Variants in ZBTB20 observed in about 807,000 individuals in gnomAD.
ZBTB20 encodes zinc finger and BTB domain-containing protein 20.
Under a neutral mutation model 56.9 loss-of-function variants are expected in ZBTB20, and 9 were observed. That is an observed-to-expected ratio of 0.16 (90% confidence interval 0.10 to 0.28). The LOEUF (loss-of-function observed/expected upper bound fraction) is 0.28, where lower values mean the gene tolerates loss of function less well. Among genes scored for constraint, ZBTB20 ranks in the 10% least tolerant of loss-of-function variants. The probability of loss-of-function intolerance (pLI) is 1.00; values close to 1 mark genes in which losing one functional copy is unlikely to be tolerated. For missense variants in ZBTB20, 655 were observed against 1,003.0 expected, an observed-to-expected ratio of 0.65 and a Z score of 4.69; for synonymous variants, 417 against 420.7, an observed-to-expected ratio of 0.99 and a Z score of 0.11.
intron 2 of ZBTB20, among the ~76,000 whole-genome samples, chr3:115,035,787 A>T (rs1392591711): frequency 6.6e-6 from 1 of 152,188 alleles, no homozygotes; most frequent in Non-Finnish European, 1.5e-5. Context: ...CACAACACCC[A>T]TATTCACAAT....
intron 7 of ZBTB20, among the ~76,000 whole-genome samples, chr3:114,488,667 T>C (rs571589779): frequency 6.6e-6 from 1 of 152,320 alleles, no homozygotes; most frequent in South Asian, 2.1e-4. Context: ...GAGGACAGTT[T>C]AGTAATGCAT....
chr3:114,546,488 G>A (rs1651098010), intron 6 of ZBTB20, among the ~76,000 whole-genome samples: 1 of 151,748 alleles, frequency 6.6e-6, no homozygotes, highest in Non-Finnish European at 1.5e-5. Flanking sequence ...GCATTCTGAA[G>A]GTTCTAGTCT....
At chr3:114,960,223 G>C (rs2077398126) in intron 3 of ZBTB20, among the ~76,000 whole-genome samples, 1 of 152,150 alleles carries the variant, frequency 6.6e-6, no homozygotes. Flanking sequence ...TAAATTTTGG[G>C]TAAACATGGA....
At chr3:114,812,188 G>C (rs1233697722) in intron 4 of ZBTB20, among the ~76,000 whole-genome samples, 1 of 152,186 alleles carries the variant, frequency 6.6e-6, no homozygotes, top group Admixed American at 6.5e-5. Context: ...GGCTCCGGCA[G>C]CCTGCTTTCA....
chr3:114,979,214 T>C (rs967889534), intron 2 of ZBTB20, among the ~76,000 whole-genome samples: 27 of 152,144 alleles, frequency 1.8e-4, no homozygotes, highest in African/African-American at 6.0e-4. Context: ...GTTACATTTA[T>C]ACTGTGAACA....
chr3:115,045,841 C>A (rs2081314612), intron 2 of ZBTB20, among the ~76,000 whole-genome samples: 1 of 152,080 alleles, frequency 6.6e-6, no homozygotes, highest in Non-Finnish European at 1.5e-5. Flanking sequence ...TTTTTCTCCT[C>A]ATATTTTAAG....
At chr3:114,847,565 G>A (rs139633748) in intron 4 of ZBTB20, among the ~76,000 whole-genome samples, 107 of 152,234 alleles carry the variant, frequency 7.0e-4, no homozygotes, top group African/African-American at 2.5e-3. Flanking sequence ...ATTATCAAGG[G>A]CCTTTTCGTG....
intron 7 of ZBTB20, among the ~76,000 whole-genome samples, chr3:114,453,922 C>A (rs763111427): frequency 4.7e-5 from 3 of 64,380 alleles, no homozygotes; most frequent in Non-Finnish European, 8.5e-5. Context: ...TAAGCTCACT[C>A]CCCCCCCCCC....
chr3:114,792,876 CTTTT>C (rs71146337), intron 5 of ZBTB20, among the ~76,000 whole-genome samples: 19 of 119,630 alleles, frequency 1.6e-4, no homozygotes, highest in Non-Finnish European at 2.5e-4. Flanking sequence ...TTTTCTTTTT[CTTTT>C]TTTTTTTTTT....
chr3:114,634,527 T>C (rs559221896), intron 6 of ZBTB20, among the ~76,000 whole-genome samples: 3 of 152,142 alleles, frequency 2.0e-5, no homozygotes, highest in Non-Finnish European at 2.9e-5. Context: ...GTCAGCAAGA[T>C]GGCAGAGTGG....
At chr3:114,842,920 T>A (rs2074447313) in intron 4 of ZBTB20, among the ~76,000 whole-genome samples, 1 of 152,180 alleles carries the variant, frequency 6.6e-6, no homozygotes, top group South Asian at 2.1e-4. Context: ...TGAATTGTAA[T>A]CCCAGGGACC....
chr3:115,016,292 T>C (rs2079954265), intron 2 of ZBTB20, among the ~76,000 whole-genome samples: 1 of 152,024 alleles, frequency 6.6e-6, no homozygotes, highest in African/African-American at 2.4e-5. Context: ...GATAGTTTCT[T>C]TTGCTGAGCA....
chr3:114,367,544 C>T (rs1051513911), intron 10 of ZBTB20, among the ~76,000 whole-genome samples: 1 of 152,172 alleles, frequency 6.6e-6, no homozygotes, highest in Non-Finnish European at 1.5e-5. Context: ...CAGGCGTGAG[C>T]CACCATGCCC....
chr3:114,353,442 G>T (rs2080889709), intron 10 of ZBTB20, among the ~76,000 whole-genome samples: 1 of 152,192 alleles, frequency 6.6e-6, no homozygotes, highest in Non-Finnish European at 1.5e-5. Flanking sequence ...AATACAATTT[G>T]CACTAATTTG....
intron 7 of ZBTB20, among the ~76,000 whole-genome samples, chr3:114,474,727 T>C (rs984815073): frequency 3.9e-5 from 6 of 152,180 alleles, no homozygotes; most frequent in African/African-American, 9.6e-5. Context: ...CATAGAGATG[T>C]GTTTGGTGTC....
intron 5 of ZBTB20, among the ~76,000 whole-genome samples, chr3:114,747,330 C>T (rs1034840307): frequency 6.6e-6 from 1 of 152,272 alleles, no homozygotes; most frequent in Non-Finnish European, 1.5e-5. Context: ...CTTTGAGAGG[C>T]TGAGGCAGGC....
At chr3:115,029,234 T>C (rs2080562479) in intron 2 of ZBTB20, among the ~76,000 whole-genome samples, 3 of 150,808 alleles carry the variant, frequency 2.0e-5, no homozygotes, top group Admixed American at 2.0e-4. Flanking sequence ...TTAAAAAATT[T>C]TGAATAAATT....
Position 114,332,556 on chromosome 3 carries a change from T to G in ZBTB20, c.*6449A>C, listed in dbSNP as rs1051726148. 6.6e-6 allele frequency: 1 copy of G among 152,220 alleles called. No individual in the cohort carries two copies. Among genetic ancestry groups the G allele is most frequent in the Admixed American group, 6.5e-5 (1 of 15,278 alleles). 9.4% of individuals were successfully genotyped at this position (152,220 alleles called of 1,614,324 possible). On this transcript the variant is annotated 3_prime_UTR_variant, in exon 12 of 12. Coordinates refer to ENST00000675478, the MANE Select transcript of ZBTB20 (RefSeq NM_001348800.3). ...GAGAGTACCCAGTTCTAGGAAAGTTTGGTGCCTCCTCAAGAAGTCACTATT... is the reference window on the plus strand; with the variant it reads ...GAGAGTACCCAGTTCTAGGAAAGTTGGGTGCCTCCTCAAGAAGTCACTATT...
At chr3:115,024,311 C>CA (rs1249914077) in intron 2 of ZBTB20, among the ~76,000 whole-genome samples, 27 of 151,046 alleles carry the variant, frequency 1.8e-4, no homozygotes, top group African/African-American at 5.8e-4. Flanking sequence ...CCTTCTTTGA[C>CA]ACGGAAGAGC....
Sources: gnomAD v4.1 joint callset for allele counts (sites outside exome capture counted in the v4.1 genomes callset) on GRCh38, gnomAD v4.1.1 for gene constraint, MANE v1.5 for transcripts, NCBI Gene and HGNC (gene_info 2026-07-23, HGNC 2026-07-21) for gene names.